The following CAMK2B variants were observed in gnomAD, a reference collection of about 807,000 sequenced individuals.
CAMK2B encodes the protein calcium/calmodulin dependent protein kinase II beta, also known as calcium/calmodulin-dependent protein kinase type II subunit beta.
A neutral mutation model predicts 93.7 loss-of-function variants in CAMK2B; 27 were observed. The ratio of observed to expected loss-of-function variants is 0.29; its 90% CI spans 0.21 to 0.40. The LOEUF (loss-of-function observed/expected upper bound fraction) is 0.40. Ranked by LOEUF, CAMK2B falls within the 10% of genes least tolerant of loss-of-function variation. The pLI is 1.00. For synonymous variants in CAMK2B, 374 were observed against 358.8 expected (o/e 1.04, Z -0.48); for missense variants, 568 against 895.8 (o/e 0.63, Z 4.67).
chr7:44,322,626 A>C (rs887266161), intron 1 of CAMK2B, among the ~76,000 whole-genome samples: 1 of 152,232 alleles, frequency 6.6e-6, no homozygotes, highest in Non-Finnish European at 1.5e-5. Flanking sequence ...AGTGTCTGTG[A>C]GCCCTGCCAG....
intron 3 of CAMK2B, among the ~76,000 whole-genome samples, chr7:44,259,775 G>T (rs1007521321): frequency 1.3e-5 from 2 of 152,154 alleles, no homozygotes; most frequent in Admixed American, 6.5e-5. Flanking sequence ...ATATTTTCTA[G>T]GAATGACTCA....
intron 2 of CAMK2B, among the ~76,000 whole-genome samples, chr7:44,283,400 C>G (rs1784249251): frequency 1.3e-5 from 2 of 152,246 alleles, no homozygotes; most frequent in Admixed American, 6.5e-5. Flanking sequence ...GCCTGCAGTG[C>G]CCAGAGCTGA....
In CAMK2B at chr7:44,325,242, G is replaced by T. The variant is rs898038257; in HGVS notation, c.65+115C>A. ...GCCGTGCGCTTGGGCCCGGAGCCCA[G>T]AGAAGCCGGCGGCGCGCGGGCCCGC... On this transcript the variant is annotated intron_variant, in intron 1 of 23. Transcript: ENST00000395749. 34 of 487,366 alleles carry T rather than the reference G, an allele frequency of 7.0e-5. No individual in the cohort carries two copies. The African/African-American group carries it at 7.2e-4, about 10-fold the overall frequency. The allele number at this position is 487,366 out of a possible 1,614,324, so 30.2% of individuals were successfully genotyped here. A position where few individuals can be genotyped will look rare whatever the true frequency, so the allele number is the denominator to read the frequency against.
At chr7:44,236,110 G>A (rs746611899) in intron 13 of CAMK2B, among the ~76,000 whole-genome samples, 230 of 152,344 alleles carry the variant, frequency 1.5e-3, no homozygotes, top group Middle Eastern at 3.4e-3. Context: ...CCCTCCCGGT[G>A]GTTCTGACGC....
chr7:44,236,340 C>G (rs1562847730), intron 13 of CAMK2B, among the ~76,000 whole-genome samples: 3 of 152,226 alleles, frequency 2.0e-5, no homozygotes, highest in Admixed American at 6.5e-5. Context: ...CACACACTTT[C>G]TATTCCCAGC....
chr7:44,239,335 A>G (rs760236216), intron 13 of CAMK2B, among the ~76,000 whole-genome samples: 87 of 152,346 alleles, frequency 5.7e-4, no homozygotes, highest in Admixed American at 1.0e-3. Flanking sequence ...GGCCAGGACC[A>G]GAAGGGCTTG....
At chr7:44,322,454 T>C (rs1405967681) in intron 1 of CAMK2B, among the ~76,000 whole-genome samples, 1 of 152,270 alleles carries the variant, frequency 6.6e-6, no homozygotes, top group Non-Finnish European at 1.5e-5. Flanking sequence ...CAATTCTGTG[T>C]AGAAGAGATA....
chr7:44,233,050 C>G (rs118039941), intron 15 of CAMK2B, among the ~76,000 whole-genome samples, 184 bp from the exon 16 acceptor site: 2,039 of 152,030 alleles, frequency 0.013, 21 homozygotes, highest in Non-Finnish European at 0.022. Context: ...GGGGGAGGAG[C>G]CTGGGTCAGC....
chr7:44,321,301 C>T (rs1027924202), intron 1 of CAMK2B, among the ~76,000 whole-genome samples: 10 of 152,150 alleles, frequency 6.6e-5, no homozygotes, highest in African/African-American at 1.2e-4. Context: ...GTGATGCCCC[C>T]GCGAGCGGTC....
intron 2 of CAMK2B, among the ~76,000 whole-genome samples, chr7:44,264,417 C>G (rs752839995): frequency 6.6e-6 from 1 of 152,152 alleles, no homozygotes; most frequent in Non-Finnish European, 1.5e-5. Context: ...GAGAAAGCCA[C>G]GCCTACAGAT....
Position 44,228,905 on chromosome 7 carries a change from G to A in CAMK2B, c.1359C>T (p.Ile453=), listed in dbSNP as rs748605908. 5 of 1,609,114 alleles carry A rather than the reference G, an allele frequency of 3.1e-6. No homozygotes were observed. The highest frequency in any genetic ancestry group is 4.2e-6 in the Non-Finnish European group (5 of 1,177,602). ...CTGAACCCCTTCTCACAGAGTTCAG[G>A]ATGTCAGAGATCCTGGGGGCTGGGG... The part of the protein sequence containing the change: ...LPAPSPRISD[I]LNSVRRGSGT... Residue 453 remains isoleucine, a synonymous_variant, in exon 19 of 24, where the codon ATC becomes ATT. Coordinates refer to ENST00000395749, the MANE Select transcript of CAMK2B (RefSeq NM_001220.5).
At chr7:44,239,699 G>C in intron 12 of CAMK2B, 36 bp from the exon 13 acceptor site, 1 of 1,460,674 alleles carries the variant, frequency 6.8e-7, no homozygotes. Context: ...GGGAAGGGAG[G>C]GGTGGGCGGA....
Position 44,325,451 on chromosome 7 carries a change from C to T in CAMK2B, c.-30G>A, listed in dbSNP as rs370905324. 9.0e-5 allele frequency: 96 copies of T among 1,063,130 alleles called. No individual in the cohort carries two copies. In the African/African-American group the frequency reaches 1.6e-3, roughly 17 times the overall value. 65.9% of individuals were successfully genotyped at this position (1,063,130 alleles called of 1,614,324 possible). A position where few individuals can be genotyped will look rare whatever the true frequency, so the allele number is the denominator to read the frequency against. On this transcript the variant is annotated 5_prime_UTR_variant, in exon 1 of 24. Coordinates refer to ENST00000395749, the MANE Select transcript of CAMK2B (RefSeq NM_001220.5). ...GCGGCGGACGGGCTCGGCGTGCGCT[C>T]GGCTGCGCTCGGGCGGCGGCGACTC...
At chr7:44,307,176 G>GAA (rs1792065220) in intron 1 of CAMK2B, among the ~76,000 whole-genome samples, 2 of 135,650 alleles carry the variant, frequency 1.5e-5, no homozygotes, top group Admixed American at 7.1e-5. Flanking sequence ...AGCAGAGGGA[G>GAA]GAGGGTGTGA....
intron 20 of CAMK2B, among the ~76,000 whole-genome samples, chr7:44,222,760 A>G (rs1356249704): frequency 6.6e-6 from 1 of 152,214 alleles, no homozygotes; most frequent in Non-Finnish European, 1.5e-5. Context: ...GGGAATTCTC[A>G]GCACGCCTGG....
intron 1 of CAMK2B, among the ~76,000 whole-genome samples, chr7:44,290,373 G>C (rs989807135): frequency 1.3e-5 from 2 of 152,248 alleles, no homozygotes; most frequent in Admixed American, 1.3e-4. Flanking sequence ...AGGTCCTCCA[G>C]AGCAGGTCCT....
chr7:44,228,478 T>TG (rs778176839), intron 19 of CAMK2B, among the ~76,000 whole-genome samples: 2 of 151,738 alleles, frequency 1.3e-5, no homozygotes, highest in African/African-American at 4.8e-5. Context: ...CCTAGGGGCA[T>TG]GGGGGGCCTC....
At chr7:44,226,138 T>C (rs1024596610) in intron 20 of CAMK2B, among the ~76,000 whole-genome samples, 15 of 152,096 alleles carry the variant, frequency 9.9e-5, no homozygotes, top group Admixed American at 9.8e-4. Flanking sequence ...GCCCAGCAGG[T>C]CCACCTTGAC....
chr7:44,229,044 C>A, intron 18 of CAMK2B, 120 bp from the exon 19 acceptor site: 1 of 972,848 alleles, frequency 1.0e-6, no homozygotes, highest in Non-Finnish European at 1.6e-6. Context: ...TGGGATCAGG[C>A]CCTGAATCAG....
Sources: gnomAD v4.1 joint callset for allele counts (sites outside exome capture counted in the v4.1 genomes callset) on GRCh38, gnomAD v4.1.1 for gene constraint, MANE v1.5 for transcripts, NCBI Gene and HGNC (gene_info 2026-07-23, HGNC 2026-07-21) for gene names.